ADGRV1: variants seen among roughly 807,000 people sequenced by gnomAD.
ADGRV1 encodes the protein adhesion G protein-coupled receptor V1, also known as G-protein coupled receptor 98.
Under a neutral mutation model 596.2 loss-of-function variants are expected in ADGRV1, and 359 were observed. The ratio of observed to expected loss-of-function variants is 0.60; its 90% confidence interval spans 0.55 to 0.66. The LOEUF is 0.66. Ranked by LOEUF, ADGRV1 falls within the 30% of genes least tolerant of loss-of-function variation. The pLI is 0.00. For synonymous variants in ADGRV1, 2,681 were observed against 2,679.2 expected (o/e 1.00, Z -0.02); for missense variants, 7,274 against 7,575.6 (o/e 0.96, Z 1.48).
chr5:90,755,179 T>C lies in ADGRV1; in HGVS notation c.11574T>C (p.Ile3858=). The change falls in exon 55 of 90, where the codon ATT becomes ATC. Residue 3858 remains isoleucine, a synonymous_variant. Transcript: ENST00000405460. ...NIKEAHAEVS[I]LPDDLPELEE... ...AAGAAGCTCATGCCGAAGTTTCCATTTTGCCGGTAAGTCAAGGCTGCAAAG... is the reference window on the plus strand; with the variant it reads ...AAGAAGCTCATGCCGAAGTTTCCATCTTGCCGGTAAGTCAAGGCTGCAAAG... 1 of 1,598,692 alleles carries C rather than the reference T, an allele frequency of 6.3e-7. No individual in the cohort carries two copies. The highest frequency in any genetic ancestry group is 8.5e-7 in the Non-Finnish European group (1 of 1,176,864).
chr5:90,753,972 G>A (rs1755552993), intron 54 of ADGRV1, 143 bp downstream of exon 54: 1 of 767,134 alleles, frequency 1.3e-6, no homozygotes, highest in African/African-American at 1.8e-5. Context: ...TTTGTTTATT[G>A]TTGTTAAATC....
At position 90,638,044 on chromosome 5, in the gene ADGRV1, TA is replaced by T. The variant is rs200404754; in HGVS notation, c.2240+106del. 6,367 of 723,458 alleles carry T rather than the reference TA, an allele frequency of 8.8e-3. 3 individuals carry two copies. Among genetic ancestry groups the T allele is most frequent in the East Asian group, 0.016 (435 of 27,554 alleles). 44.8% of individuals were successfully genotyped at this position (723,458 alleles called of 1,614,324 possible). ...TTTACTCTTTTTTTTCTATATAAAG[TA>T]AAAAAAAAAGTCAAGTAAATAGTGT... On this transcript the variant is annotated intron_variant, in intron 11 of 89. Transcript: ENST00000405460.
At chr5:90,704,537 A>T (rs1384359315) in intron 36 of ADGRV1, 49 bp downstream of exon 36, 1 of 1,169,804 alleles carries the variant, frequency 8.5e-7, no homozygotes, top group African/African-American at 1.5e-5. Context: ...CTTTTCGTAA[A>T]AGAAAGAAAA....
At chr5:91,117,893 T>C (rs1050818836) in intron 87 of ADGRV1, among the ~76,000 whole-genome samples, 7 of 152,156 alleles carry the variant, frequency 4.6e-5, no homozygotes, top group African/African-American at 1.7e-4. Flanking sequence ...GGACTAGGAC[T>C]GTTGAGAGGA....
intron 42 of ADGRV1, among the ~76,000 whole-genome samples, chr5:90,713,040 G>A (rs1253823442): frequency 6.6e-6 from 1 of 152,080 alleles, no homozygotes; most frequent in Non-Finnish European, 1.5e-5. Flanking sequence ...CAGAACTTGA[G>A]GGTTGGAAGG....
At chr5:91,038,920 T>A (rs1187592624) in intron 85 of ADGRV1, among the ~76,000 whole-genome samples, 2 of 152,184 alleles carry the variant, frequency 1.3e-5, no homozygotes, top group African/African-American at 2.4e-5. Flanking sequence ...CCTTTTAAGC[T>A]GTATAATTTA....
chr5:90,685,500 G>T (rs556427700), intron 28 of ADGRV1, among the ~76,000 whole-genome samples: 20 of 152,070 alleles, frequency 1.3e-4, no homozygotes, highest in Non-Finnish European at 2.8e-4. Flanking sequence ...CAGGAGAATT[G>T]CTTGAACTCA....
intron 85 of ADGRV1, among the ~76,000 whole-genome samples, chr5:91,069,178 T>C (rs1788157804): frequency 6.6e-6 from 1 of 152,120 alleles, no homozygotes; most frequent in Admixed American, 6.5e-5. Flanking sequence ...AACCTACAAC[T>C]ATAAAACTCC....
chr5:90,755,269 C>CTTCT (rs376351483), intron 55 of ADGRV1, 84 bp downstream of exon 55: 21 of 858,710 alleles, frequency 2.4e-5, no homozygotes, highest in South Asian at 5.9e-5. Context: ...AAGTAAAAAT[C>CTTCT]TTTTTTTTAA....
chr5:90,731,889 C>G (rs1000436930), intron 50 of ADGRV1, among the ~76,000 whole-genome samples: 1 of 152,152 alleles, frequency 6.6e-6, no homozygotes, highest in Admixed American at 6.5e-5. Flanking sequence ...TTTTAAAAAA[C>G]ACTTTCTAAA....
At chr5:91,015,865 C>A (rs1333013933) in intron 85 of ADGRV1, among the ~76,000 whole-genome samples, 6 of 151,914 alleles carry the variant, frequency 3.9e-5, no homozygotes, top group Admixed American at 2.0e-4. Context: ...AGCTTGTTTA[C>A]ATTCAAGGTT....
intron 85 of ADGRV1, among the ~76,000 whole-genome samples, chr5:91,071,897 G>A (rs879716207): frequency 7.9e-5 from 12 of 151,906 alleles, no homozygotes; most frequent in Non-Finnish European, 1.6e-4. Flanking sequence ...GGCTAGTCTC[G>A]AACTCCTGAT....
At chr5:90,669,323 C>T (rs1445031486) in intron 21 of ADGRV1, among the ~76,000 whole-genome samples, 2 of 152,110 alleles carry the variant, frequency 1.3e-5, no homozygotes, top group African/African-American at 2.4e-5. Flanking sequence ...GGTTGGAGTG[C>T]CCTACCTTCA....
chr5:90,709,279 T>C (rs1019738388), intron 39 of ADGRV1, among the ~76,000 whole-genome samples: 1 of 152,222 alleles, frequency 6.6e-6, no homozygotes, highest in African/African-American at 2.4e-5. Flanking sequence ...AGTGCTGATA[T>C]TTGCTTCTTT....
intron 77 of ADGRV1, among the ~76,000 whole-genome samples, chr5:90,836,461 A>G (rs1304050434): frequency 6.6e-6 from 1 of 152,180 alleles, no homozygotes; most frequent in Non-Finnish European, 1.5e-5. Context: ...AAGTAAAAAA[A>G]AAAGCTGATA....
chr5:90,686,805 G>A (rs866460408), intron 29 of ADGRV1, among the ~76,000 whole-genome samples: 3 of 152,202 alleles, frequency 2.0e-5, no homozygotes, highest in Middle Eastern at 3.4e-3. Flanking sequence ...CTTCCACAAT[G>A]GTTGAACTAG....
At chr5:91,060,394 A>ATT (rs1318036206) in intron 85 of ADGRV1, among the ~76,000 whole-genome samples, 9 of 17,900 alleles carry the variant, frequency 5.0e-4, no homozygotes, top group African/African-American at 1.5e-3. Flanking sequence ...ATATATATAT[A>ATT]TATATTTTTT....
chr5:91,052,772 A>T (rs139470599), intron 85 of ADGRV1, among the ~76,000 whole-genome samples: 1 of 152,234 alleles, frequency 6.6e-6, no homozygotes, highest in African/African-American at 2.4e-5. Flanking sequence ...CTTGTTAAAG[A>T]TGTCTATGTC....
rs1018236310 is a variant in ADGRV1 at position 90,857,103 on chromosome 5, C to T, written c.17755+1202C>T. ...TCTGAACCTAACTTCAATTCAATAG[C>T]AAGATAATAACTTCTTATTCTTAAT... On this transcript the variant is annotated intron_variant, in intron 82 of 89. Coordinates refer to ENST00000405460, the MANE Select transcript of ADGRV1 (RefSeq NM_032119.4). Among the ~76,000 whole-genome samples, 60 of 151,970 alleles carry T rather than the reference C, an allele frequency of 3.9e-4. 1 individual carries two copies. The highest frequency in any genetic ancestry group is 1.4e-3 in the African/African-American group (58 of 41,408).
Sources: gnomAD v4.1 joint callset for allele counts (sites outside exome capture counted in the v4.1 genomes callset) on GRCh38, gnomAD v4.1.1 for gene constraint, MANE v1.5 for transcripts, NCBI Gene and HGNC (gene_info 2026-07-23, HGNC 2026-07-21) for gene names.